USP28: variants seen among roughly 807,000 people sequenced by gnomAD.
USP28 encodes the protein ubiquitin specific peptidase 28.
USP28 carries 113 observed loss-of-function variants against 145.0 expected under a neutral mutation model. The observed-to-expected ratio is 0.78, with a 90% CI of 0.67 to 0.91. The LOEUF (loss-of-function observed/expected upper bound fraction) is 0.91, where lower values mean the gene tolerates loss of function less well. Among genes scored for constraint, USP28 ranks in the 40% least tolerant of loss-of-function variants. The pLI is 0.00. For synonymous variants in USP28, 447 were observed against 450.9 expected (o/e 0.99, Z 0.11); for missense variants, 1,201 against 1,289.6 (o/e 0.93, Z 1.05).
At chr11:113,865,417 G>C (rs1415922500) in intron 1 of USP28, among the ~76,000 whole-genome samples, 2 of 152,160 alleles carry the variant, frequency 1.3e-5, no homozygotes, top group Non-Finnish European at 2.9e-5. Context: ...CAAAGTTGGA[G>C]GACTCACACT....
At chr11:113,831,702 GA>G (rs112521515) in intron 8 of USP28, among the ~76,000 whole-genome samples, 195 of 142,362 alleles carry the variant, frequency 1.4e-3, no homozygotes, top group Middle Eastern at 0.011. Flanking sequence ...CCTTTAGTTA[GA>G]AAAAAAAAAA....
intron 16 of USP28, among the ~76,000 whole-genome samples, chr11:113,811,392 T>C (rs534191118): frequency 9.2e-5 from 14 of 152,178 alleles, no homozygotes; most frequent in Non-Finnish European, 1.9e-4. Flanking sequence ...TTCAGGCAAA[T>C]ACACCTGTAA....
At chr11:113,804,025 T>A (rs1939511135) in intron 21 of USP28, 148 bp from the exon 23 acceptor site, 1 of 654,188 alleles carries the variant, frequency 1.5e-6, no homozygotes, top group East Asian at 2.8e-5. Context: ...GATAAAAACC[T>A]ACTCAACATT....
chr11:113,854,774 T>C (rs775993623), intron 1 of USP28, among the ~76,000 whole-genome samples: 5 of 152,214 alleles, frequency 3.3e-5, no homozygotes, highest in Non-Finnish European at 5.9e-5. Context: ...TATTCTGAAA[T>C]GCCAAATCTA....
At chr11:113,874,125 A>C (rs1949107978) in intron 1 of USP28, among the ~76,000 whole-genome samples, 1 of 138,828 alleles carries the variant, frequency 7.2e-6, no homozygotes, top group Admixed American at 7.4e-5. Flanking sequence ...TGGGCGACAA[A>C]GTGAGACTCC....
At chr11:113,843,593 C>T (rs1247432281) in intron 3 of USP28, among the ~76,000 whole-genome samples, 2 of 151,128 alleles carry the variant, frequency 1.3e-5, no homozygotes, top group Non-Finnish European at 2.9e-5. Flanking sequence ...ACGGCTTGAA[C>T]CCAGGAGGCG....
At chr11:113,851,402 C>T (rs1198562993) in intron 3 of USP28, among the ~76,000 whole-genome samples, 1 of 152,176 alleles carries the variant, frequency 6.6e-6, no homozygotes, top group African/African-American at 2.4e-5. Context: ...CTCACTAAGC[C>T]TTAGCCCTGG....
chr11:113,801,040 G>A (rs542596265), intron 24 of USP28, among the ~76,000 whole-genome samples: 45 of 152,082 alleles, frequency 3.0e-4, no homozygotes, highest in African/African-American at 1.1e-3. Context: ...ATGGGGTTTC[G>A]CCTTGTTGGC....
At chr11:113,816,661 G>A (rs1262258563) in intron 13 of USP28, among the ~76,000 whole-genome samples, 1 of 151,832 alleles carries the variant, frequency 6.6e-6, no homozygotes, top group Non-Finnish European at 1.5e-5. Context: ...CTCAATTTCA[G>A]AGGAGATTAC....
At chr11:113,852,057 C>T (rs1284363739) in intron 3 of USP28, among the ~76,000 whole-genome samples, 1 of 152,160 alleles carries the variant, frequency 6.6e-6, no homozygotes, top group African/African-American at 2.4e-5. Flanking sequence ...GAGACGGAGT[C>T]TTGCTCTGTC....
chr11:113,822,436 G>A (rs1250484346), intron 12 of USP28: 1 of 148,786 alleles, frequency 6.7e-6, no homozygotes, highest in African/African-American at 2.5e-5. Context: ...AAAACAAAGC[G>A]ACACTCCATC....
At chr11:113,834,040 T>C (rs1487919971) in intron 6 of USP28, among the ~76,000 whole-genome samples, 5 of 152,198 alleles carry the variant, frequency 3.3e-5, no homozygotes, top group Non-Finnish European at 7.4e-5. Flanking sequence ...CTTGGAGCTG[T>C]TTTTCTCATT....
chr11:113,854,433 T>G, intron 1 of USP28, 98 bp from the exon 2 acceptor site: 1 of 1,188,530 alleles, frequency 8.4e-7, no homozygotes, highest in South Asian at 1.3e-5. Flanking sequence ...TAAACAGGCC[T>G]GAGGCTTGCC....
At chr11:113,827,505 A>G (rs1014996522) in intron 10 of USP28, 145 bp from the exon 11 acceptor site, 1 of 714,264 alleles carries the variant, frequency 1.4e-6, no homozygotes, top group African/African-American at 1.9e-5. Flanking sequence ...ACTTTTTTTT[A>G]TCCCAAACAC....
In USP28 at chr11:113,849,893, T is replaced by A. The variant is rs560633646; in HGVS notation, c.268+2608A>T. On this transcript the variant is annotated intron_variant, in intron 3 of 24. Coordinates refer to ENST00000003302, the Ensembl canonical transcript of USP28. ...GTATAGGCACTGACTCTGAACTGGG[T>A]TTTACTATCCCAACAGACCATGCAA... Among the ~76,000 whole-genome samples the A allele has an allele frequency of 1.7e-4, 26 of 152,116 alleles. No homozygotes were observed. The South Asian group carries it at 5.0e-3, about 29-fold the overall frequency.
chr11:113,851,063 C>T (rs1398686781), intron 3 of USP28, among the ~76,000 whole-genome samples: 3 of 152,140 alleles, frequency 2.0e-5, no homozygotes, highest in East Asian at 1.9e-4. Context: ...CTCTCTCTCA[C>T]ACAACCCTAC....
exon 7 of USP28, chr11:113,833,424 T>C (rs1944235251): frequency 6.2e-7 from 1 of 1,612,668 alleles, no homozygotes; most frequent in Non-Finnish European, 8.5e-7. Flanking sequence ...TTGTACCTGC[T>C]GTTCCTCAGA....
chr11:113,874,944 G>A (rs1180958222), intron 1 of USP28: 4 of 968,368 alleles, frequency 4.1e-6, no homozygotes, highest in Non-Finnish European at 4.9e-6. Context: ...GGGTTGGGAG[G>A]GAGGGAAGTG....
At position 113,827,370 on chromosome 11, in the gene USP28, A is replaced by G. The variant is rs1943498964; in HGVS notation, c.1060-10T>C. ...GCTTTGTAAACCAACGCTAGTGTCAAGAGTAGAAATGTGAGAGAAAGAAAA... is the reference window on the plus strand; with the variant it reads ...GCTTTGTAAACCAACGCTAGTGTCAGGAGTAGAAATGTGAGAGAAAGAAAA... On this transcript the variant is annotated splice_polypyrimidine_tract_variant and intron_variant, in intron 10 of 24. Transcript: ENST00000003302. The G allele has an allele frequency of 6.4e-7, 1 of 1,573,184 alleles. No individual in the cohort carries two copies. The highest frequency in any genetic ancestry group is 8.6e-7 in the Non-Finnish European group (1 of 1,167,410).
Sources: gnomAD v4.1 joint callset for allele counts (sites outside exome capture counted in the v4.1 genomes callset) on GRCh38, gnomAD v4.1.1 for gene constraint, MANE v1.5 for transcripts, NCBI Gene and HGNC (gene_info 2026-07-23, HGNC 2026-07-21) for gene names.